The following CFHR4 variants were observed in gnomAD, a reference collection of about 807,000 sequenced individuals.
CFHR4 encodes the protein complement factor H-related protein 4.
In CFHR4, 64 loss-of-function variants were observed where a neutral mutation model predicts 69.3. That is an observed-to-expected ratio of 0.92 (90% confidence interval 0.76 to 1.14). CFHR4 has a LOEUF of 1.14. Among genes scored for constraint, CFHR4 ranks in the 50% most tolerant of loss-of-function variants. The pLI is 0.00. For missense variants in CFHR4, 636 were observed against 684.9 expected (o/e 0.93, Z 0.80); for synonymous variants, 244 against 237.0 (o/e 1.03, Z -0.27).
Position 196,910,316 on chromosome 1 carries a change from G to A in CFHR4, c.835G>A (p.Gly279Arg), listed in dbSNP as rs764444563. ...KPCEFPEIQHGHLYYENTRRP... is the reference protein window; with the variant it reads ...KPCEFPEIQHRHLYYENTRRP... ...TTGTGAGTTTCCAGAAATTCAACAT[G>A]GACATCTATATTATGAGAATACGCG... Residue 279 changes from glycine to arginine, a missense_variant, in exon 6 of 10, where the codon GGA (glycine) becomes AGA (arginine). This residue lies in a region of CFHR4 where 529 missense variants were observed against 533.2 expected (regional missense o/e 0.99). Coordinates refer to ENST00000608469, the MANE Select transcript of CFHR4 (RefSeq NM_001201550.3). 5.0e-6 allele frequency: 8 copies of A among 1,601,918 alleles called. 1 individual carries two copies. In the South Asian group the frequency reaches 5.6e-5, roughly 11 times the overall value.
At chr1:196,905,005 G>C (rs1385019757) in intron 2 of CFHR4, 103 bp from the exon 3 acceptor site, 2 of 1,099,846 alleles carry the variant, frequency 1.8e-6, no homozygotes, top group East Asian at 5.5e-5. Flanking sequence ...TTCATTAACA[G>C]ATGTTTCATT....
At chr1:196,908,583 T>C (rs1202155754) in intron 5 of CFHR4, among the ~76,000 whole-genome samples, 1 of 151,470 alleles carries the variant, frequency 6.6e-6, no homozygotes, top group African/African-American at 2.4e-5. Context: ...AGGTATACTC[T>C]TAGAATTTTG....
chr1:196,911,115 G>A (rs1366832508), intron 6 of CFHR4, among the ~76,000 whole-genome samples: 1 of 106,076 alleles, frequency 9.4e-6, no homozygotes, highest in Non-Finnish European at 2.1e-5. Context: ...ACCCCAGTAT[G>A]TCCTTAACTG....
chr1:196,910,581 C>A, intron 6 of CFHR4, 103 bp downstream of exon 6: 1 of 956,938 alleles, frequency 1.0e-6, no homozygotes, highest in Non-Finnish European at 1.6e-6. Flanking sequence ...GAGATGGTAC[C>A]AAAGGAAGAG....
At chr1:196,892,334 A>G (rs1343303105) in intron 1 of CFHR4, among the ~76,000 whole-genome samples, 1 of 151,532 alleles carries the variant, frequency 6.6e-6, no homozygotes, top group African/African-American at 2.4e-5. Context: ...GAAATTAGTT[A>G]TGGTTGCTGT....
chr1:196,890,402 C>T lies in CFHR4; in HGVS notation c.58+2194C>T, dbSNP rs193266366. Among the ~76,000 whole-genome samples the T allele has an allele frequency of 1.8e-3, 269 of 151,486 alleles. 11 individuals carry two copies. The highest frequency in any genetic ancestry group is 6.0e-3 in the African/African-American group (245 of 41,114). ...TGAATAATAATTCTTTTGGAAGCCA[C>T]GCTATTTGAAAGATAAACTTGACAG... On this transcript the variant is annotated intron_variant, in intron 1 of 9. Coordinates refer to ENST00000608469, the MANE Select transcript of CFHR4 (RefSeq NM_001201550.3).
At chr1:196,908,750 ATAAC>A (rs1465420566) in intron 5 of CFHR4, among the ~76,000 whole-genome samples, 2 of 151,592 alleles carry the variant, frequency 1.3e-5, no homozygotes, top group African/African-American at 4.9e-5. Context: ...TGCATATCAG[ATAAC>A]TTATTCCTGT....
chr1:196,895,061 A>T (rs527847110), intron 1 of CFHR4, among the ~76,000 whole-genome samples: 1 of 151,374 alleles, frequency 6.6e-6, no homozygotes, highest in Admixed American at 6.6e-5. Flanking sequence ...CCCTGTCAAA[A>T]AAAATTATAT....
rs563000034 is a variant in CFHR4 at position 196,901,007 on chromosome 1, A to T, written c.59-1411A>T. Among the ~76,000 whole-genome samples, 265 of 151,578 alleles carry T rather than the reference A, an allele frequency of 1.7e-3. 7 individuals are homozygous for T. Among genetic ancestry groups the T allele is most frequent in the African/African-American group, 6.1e-3 (250 of 41,204 alleles). On this transcript the variant is annotated intron_variant, in intron 1 of 9. Coordinates refer to ENST00000608469, the MANE Select transcript of CFHR4 (RefSeq NM_001201550.3). ...CTAATCTGTAGAAACCGGTTGAAAAATTTTTCTAATCAAACAAAAAGAAAT... is the reference window on the plus strand; with the variant it reads ...CTAATCTGTAGAAACCGGTTGAAAATTTTTTCTAATCAAACAAAAAGAAAT...
In CFHR4 at chr1:196,902,417, G is replaced by C; in HGVS notation, c.59-1G>C. 1 of 1,590,578 alleles carries C rather than the reference G, an allele frequency of 6.3e-7. No individual in the cohort carries two copies. On this transcript the variant is annotated splice_acceptor_variant, in intron 1 of 9. Coordinates refer to ENST00000608469, the MANE Select transcript of CFHR4 (RefSeq NM_001201550.3). LOFTEE classifies it high-confidence loss of function. The stretch of plus-strand genomic sequence containing the variant: ...TACTGTTTTTTGTTTTTTATTACAA[G>C]AAGTGAAACCTTGTGATTTTCCAGA...
rs1658198505 is a variant in CFHR4 at position 196,910,446 on chromosome 1, A to G, written c.965A>G (p.Gln322Arg). 1 of 1,612,850 alleles carries G rather than the reference A, an allele frequency of 6.2e-7. No individual in the cohort carries two copies. The change falls in exon 6 of 10, where the codon CAA becomes CGA. Residue 322 changes from glutamine to arginine, a missense_variant. Gln to Arg is a conservative substitution (Grantham distance 43). Transcript: ENST00000608469. ...GSYWDYIHCTQDGWLPTVPCL... is the reference protein window; with the variant it reads ...GSYWDYIHCTRDGWLPTVPCL... ...TACTGGGATTACATTCACTGCACACAAGATGGGTGGTTGCCAACAGTCCCA... is the reference window on the plus strand; with the variant it reads ...TACTGGGATTACATTCACTGCACACGAGATGGGTGGTTGCCAACAGTCCCA...
Position 196,902,564 on chromosome 1 carries a change from G to A in CFHR4, c.205G>A (p.Asp69Asn). The A allele has an allele frequency of 6.2e-7, 1 of 1,612,274 alleles. No homozygotes were observed. Among genetic ancestry groups the A allele is most frequent in the Non-Finnish European group, 8.5e-7 (1 of 1,179,328 alleles). Residue 69 changes from aspartate (D) to asparagine (N), a missense_variant, in exon 2 of 10, where the codon GAT (aspartate) becomes AAT (asparagine). Coordinates refer to ENST00000608469, the MANE Select transcript of CFHR4 (RefSeq NM_001201550.3). ...TGTGACTCCTTCAGGAAGTTACTGG[G>A]ATTACATTCATTGCACACAAGATGG... ...NFVTPSGSYWDYIHCTQDGWS... is the reference protein window; with the variant it reads ...NFVTPSGSYWNYIHCTQDGWS...
intron 1 of CFHR4, among the ~76,000 whole-genome samples, chr1:196,901,003 A>C (rs974555462): frequency 2.0e-5 from 3 of 151,560 alleles, no homozygotes; most frequent in Non-Finnish European, 4.4e-5. Flanking sequence ...AAACCGGTTG[A>C]AAAATTTTTC....
chr1:196,914,434 C>G (rs1658458504), intron 7 of CFHR4, 61 bp from the exon 8 acceptor site: 1 of 1,521,114 alleles, frequency 6.6e-7, no homozygotes. Context: ...ATGGGACTTT[C>G]TTAGTTGAGT....
intron 2 of CFHR4, 139 bp from the exon 3 acceptor site, chr1:196,904,969 G>C: frequency 1.2e-6 from 1 of 832,706 alleles, no homozygotes; most frequent in Non-Finnish European, 1.8e-6. Flanking sequence ...AGATGTCTAG[G>C]AAACTTCCAG....
chr1:196,901,275 A>T (rs1657586005), intron 1 of CFHR4, among the ~76,000 whole-genome samples: 1 of 151,338 alleles, frequency 6.6e-6, no homozygotes, highest in African/African-American at 2.4e-5. Flanking sequence ...GCAAAAAAAA[A>T]ATGGTGAAGA....
At chr1:196,903,951 G>A (rs2124952282) in intron 2 of CFHR4, among the ~76,000 whole-genome samples, 1 of 151,554 alleles carries the variant, frequency 6.6e-6, no homozygotes, top group East Asian at 1.9e-4. Flanking sequence ...CACTTTTTAG[G>A]TAAAGGGGTC....
chr1:196,893,991 C>A (rs1040721682), intron 1 of CFHR4, among the ~76,000 whole-genome samples: 1 of 151,498 alleles, frequency 6.6e-6, no homozygotes, highest in Non-Finnish European at 1.5e-5. Context: ...ACAAAAATTT[C>A]TCCAATGGTT....
intron 5 of CFHR4, among the ~76,000 whole-genome samples, chr1:196,908,224 G>A (rs537127469): frequency 6.6e-6 from 1 of 151,336 alleles, no homozygotes; most frequent in East Asian, 1.9e-4. Context: ...GGGTTGATGG[G>A]TGCAGCAAAC....
Sources: allele counts gnomAD v4.1 joint callset (sites outside exome capture counted in the v4.1 genomes callset), GRCh38; gene constraint gnomAD v4.1.1; regional missense constraint gnomAD v4.1.1; transcripts MANE v1.5; gene names NCBI Gene and HGNC (gene_info 2026-07-23, HGNC 2026-07-21).